The following FGF14 variants were observed in gnomAD, a reference collection of about 807,000 sequenced individuals.
FGF14 encodes fibroblast growth factor 14.
A neutral mutation model predicts 25.5 loss-of-function variants in FGF14; 5 were observed. That is an observed-to-expected ratio of 0.20 (90% confidence interval 0.10 to 0.41). The LOEUF (loss-of-function observed/expected upper bound fraction) is 0.41. FGF14 is among the 10% of genes least tolerant of loss of function. The pLI, the probability that FGF14 is intolerant of heterozygous loss-of-function variation, is 1.00. For missense variants in FGF14, 222 were observed against 320.1 expected (o/e 0.69, Z 2.34); for synonymous variants, 138 against 118.3 (o/e 1.17, Z -1.08).
At chr13:102,327,791 G>A (rs1946421276) in intron 1 of FGF14, among the ~76,000 whole-genome samples, 1 of 151,372 alleles carries the variant, frequency 6.6e-6, no homozygotes, top group African/African-American at 2.4e-5. Context: ...GTGAGCCATG[G>A]TGGTGCCACT....
chr13:101,723,972 T>A (rs1336610540), intron 4 of FGF14, among the ~76,000 whole-genome samples: 1 of 152,122 alleles, frequency 6.6e-6, no homozygotes, highest in Non-Finnish European at 1.5e-5. Context: ...ATTCCCTATG[T>A]TCAAGGGGGT....
At chr13:102,248,612 T>C (rs1357938949) in intron 1 of FGF14, among the ~76,000 whole-genome samples, 1 of 152,132 alleles carries the variant, frequency 6.6e-6, no homozygotes, top group Non-Finnish European at 1.5e-5. Context: ...GGGGGCCAGA[T>C]TACCAAGAGG....
intron 3 of FGF14, among the ~76,000 whole-genome samples, chr13:101,822,265 C>T (rs887363106): frequency 6.6e-6 from 1 of 152,052 alleles, no homozygotes; most frequent in African/African-American, 2.4e-5. Flanking sequence ...TGGAAAAGGC[C>T]ATTCCACACC....
At chr13:102,183,878 C>T (rs1049919322) in intron 1 of FGF14, among the ~76,000 whole-genome samples, 1 of 152,158 alleles carries the variant, frequency 6.6e-6, no homozygotes, top group African/African-American at 2.4e-5. Flanking sequence ...TAAGAACCAT[C>T]GCATATCCTT....
At chr13:101,800,026 AC>A in intron 3 of FGF14, among the ~76,000 whole-genome samples, 2 of 152,282 alleles carry the variant, frequency 1.3e-5, no homozygotes, top group South Asian at 4.1e-4. Flanking sequence ...AATGTTCCCT[AC>A]CTACTTCTCC....
Position 102,157,927 on chromosome 13 carries a change from T to C in FGF14, c.208+243544A>G, listed in dbSNP as rs9585862. 3.8e-3 allele frequency among the ~76,000 whole-genome samples: 574 copies of C among 152,250 alleles called. 6 individuals carry two copies. The highest frequency in any genetic ancestry group is 0.012 in the African/African-American group (504 of 41,532). ...CAAAAGACACATGAAAAAATGCTCA[T>C]CATCACTGGCCATCAGAAAAATGCA... On this transcript the variant is annotated intron_variant, in intron 1 of 4. Coordinates refer to the FGF14 transcript ENST00000376131.
chr13:101,754,734 G>T (rs2037531331), intron 3 of FGF14, among the ~76,000 whole-genome samples: 1 of 151,762 alleles, frequency 6.6e-6, no homozygotes, highest in African/African-American at 2.4e-5. Context: ...ATAACAAAAA[G>T]AAAAAAATAA....
intron 1 of FGF14, among the ~76,000 whole-genome samples, chr13:102,374,576 A>T: frequency 6.8e-6 from 1 of 147,804 alleles, no homozygotes; most frequent in Non-Finnish European, 1.5e-5. Context: ...AAGAATAATA[A>T]ATGTAAAAGT....
chr13:102,110,564 AACAGAACAACAGAACC>A (rs2045172446), intron 1 of FGF14, among the ~76,000 whole-genome samples: 1 of 152,144 alleles, frequency 6.6e-6, no homozygotes, highest in African/African-American at 2.4e-5. Flanking sequence ...GAAGAGTTCC[AACAGAACAACAGAACC>A]ACATGTTTCA....
chr13:101,877,038 A>G (rs998181164), intron 1 of FGF14, among the ~76,000 whole-genome samples: 4 of 152,114 alleles, frequency 2.6e-5, no homozygotes, highest in African/African-American at 9.7e-5. Flanking sequence ...TTTTTCTGTA[A>G]AACTTTTATG....
chr13:102,047,606 A>T (rs1057239116), intron 1 of FGF14, among the ~76,000 whole-genome samples: 5 of 151,912 alleles, frequency 3.3e-5, no homozygotes, highest in Non-Finnish European at 7.4e-5. Context: ...GCATATTCTC[A>T]CTCATAGGTG....
intron 1 of FGF14, among the ~76,000 whole-genome samples, chr13:102,050,497 C>T (rs76449520): frequency 0.013 from 1,953 of 152,202 alleles, 21 homozygotes; most frequent in Non-Finnish European, 0.02. Flanking sequence ...TTTCAAGATG[C>T]CCATATATTT....
At chr13:101,869,807 T>C (rs1013406632) in intron 2 of FGF14, among the ~76,000 whole-genome samples, 10 of 152,214 alleles carry the variant, frequency 6.6e-5, no homozygotes, top group African/African-American at 2.4e-4. Context: ...AACCAAGTCA[T>C]TTGAAAAATG....
intron 1 of FGF14, among the ~76,000 whole-genome samples, chr13:102,022,027 T>C (rs1289472025): frequency 1.3e-5 from 2 of 152,110 alleles, no homozygotes; most frequent in Non-Finnish European, 2.9e-5. Flanking sequence ...AGAACTGCCA[T>C]ATCTACTCTG....
At chr13:102,232,378 T>A (rs1033318053) in intron 1 of FGF14, among the ~76,000 whole-genome samples, 4 of 152,196 alleles carry the variant, frequency 2.6e-5, no homozygotes, top group Non-Finnish European at 5.9e-5. Context: ...TATCAAGCTA[T>A]CACAAGAAAT....
At chr13:102,023,193 A>G (rs866275024) in intron 1 of FGF14, among the ~76,000 whole-genome samples, 2 of 152,018 alleles carry the variant, frequency 1.3e-5, no homozygotes, top group Admixed American at 1.3e-4. Flanking sequence ...AGCTGTTCAA[A>G]ACTCATTTGA....
intron 3 of FGF14, among the ~76,000 whole-genome samples, chr13:101,728,149 A>G (rs980695925): frequency 6.6e-6 from 1 of 152,170 alleles, no homozygotes; most frequent in African/African-American, 2.4e-5. Context: ...CTCATGCAGG[A>G]GACAATTTAT....
chr13:101,966,735 C>A (rs1242142792), intron 1 of FGF14, among the ~76,000 whole-genome samples: 1 of 152,148 alleles, frequency 6.6e-6, no homozygotes, highest in Non-Finnish European at 1.5e-5. Flanking sequence ...CCCACCTCGG[C>A]CTCCCTAAGT....
intron 1 of FGF14, among the ~76,000 whole-genome samples, chr13:101,927,740 C>T (rs554903977): frequency 6.6e-6 from 1 of 152,112 alleles, no homozygotes; most frequent in African/African-American, 2.4e-5. Flanking sequence ...AGCTTCCCTG[C>T]CTCTCCGGGG....
Sources: gnomAD v4.1 joint callset for allele counts (sites outside exome capture counted in the v4.1 genomes callset) on GRCh38, gnomAD v4.1.1 for gene constraint, MANE v1.5 for transcripts, NCBI Gene and HGNC (gene_info 2026-07-23, HGNC 2026-07-21) for gene names.